Variants in CEP128 observed in about 807,000 individuals in gnomAD.
CEP128 encodes centrosomal protein 128, also known as centrosomal protein 128kDa.
Under a neutral mutation model 156.7 loss-of-function variants are expected in CEP128, and 132 were observed. The observed-to-expected ratio is 0.84, with a 90% confidence interval of 0.73 to 0.97. The LOEUF (loss-of-function observed/expected upper bound fraction) is 0.97. Among genes scored for constraint, CEP128 ranks in the 50% least tolerant of loss-of-function variants. The pLI is 0.00. For missense variants in CEP128, 1,252 were observed against 1,281.9 expected (o/e 0.98, Z 0.36); for synonymous variants, 469 against 448.9 (o/e 1.04, Z -0.57).
At chr14:80,818,099 G>A (rs113625227) in intron 13 of CEP128, among the ~76,000 whole-genome samples, 3,175 of 152,182 alleles carry the variant, frequency 0.021, 41 homozygotes, top group Middle Eastern at 0.065. Flanking sequence ...AGCCCACTGC[G>A]GCCTCAACCT....
chr14:80,731,945 C>A (rs1898291430), intron 19 of CEP128, among the ~76,000 whole-genome samples: 1 of 152,056 alleles, frequency 6.6e-6, no homozygotes, highest in Non-Finnish European at 1.5e-5. Context: ...ATTGAAAGAA[C>A]AGACCTAAGT....
chr14:80,675,425 T>C (rs1296054591), intron 19 of CEP128, among the ~76,000 whole-genome samples: 2 of 152,060 alleles, frequency 1.3e-5, no homozygotes, highest in Admixed American at 1.3e-4. Flanking sequence ...GAAACCCTGG[T>C]GATCCATAAC....
At chr14:80,679,794 T>C (rs936064205) in intron 19 of CEP128, among the ~76,000 whole-genome samples, 13 of 152,126 alleles carry the variant, frequency 8.5e-5, no homozygotes, top group Admixed American at 7.2e-4. Flanking sequence ...CCCTCCCCTT[T>C]TGAAGTCCTT....
intron 19 of CEP128, among the ~76,000 whole-genome samples, chr14:80,622,049 T>C (rs796988659): frequency 6.6e-6 from 1 of 152,196 alleles, no homozygotes; most frequent in African/African-American, 2.4e-5. Context: ...GTCAGAGAAA[T>C]GGAATTGCCT....
At chr14:80,892,689 C>G (rs955158722) in intron 8 of CEP128, among the ~76,000 whole-genome samples, 1 of 140,894 alleles carries the variant, frequency 7.1e-6, no homozygotes, top group Non-Finnish European at 1.6e-5. Flanking sequence ...AGAACTCATA[C>G]AACTCAATAG....
chr14:80,732,825 C>T (rs961530202), intron 19 of CEP128, among the ~76,000 whole-genome samples: 1 of 152,016 alleles, frequency 6.6e-6, no homozygotes, highest in Non-Finnish European at 1.5e-5. Flanking sequence ...ACAAGTCCAG[C>T]AGAAGACACA....
At chr14:80,637,769 A>G (rs1400317266) in intron 19 of CEP128, among the ~76,000 whole-genome samples, 2 of 152,192 alleles carry the variant, frequency 1.3e-5, no homozygotes, top group African/African-American at 4.8e-5. Flanking sequence ...ATCCTGGATT[A>G]TCCAGTTGGG....
In CEP128 at chr14:80,718,117, A is replaced by C. The variant is rs183820338; in HGVS notation, c.2806+24958T>G. On this transcript the variant is annotated intron_variant, in intron 19 of 24. Coordinates refer to ENST00000555265, the MANE Select transcript of CEP128 (RefSeq NM_152446.5). ...GATCCTCATTTTCATATAACTCAAC[A>C]AAGACAAAATGGTGAGACTTACTTT... 2.5e-3 allele frequency among the ~76,000 whole-genome samples: 383 copies of C among 152,318 alleles called. 4 individuals carry two copies. The highest frequency in any genetic ancestry group is 3.1e-4 in the Non-Finnish European group (21 of 68,032).
chr14:80,791,445 A>G (rs950622897), intron 14 of CEP128, among the ~76,000 whole-genome samples: 1 of 152,220 alleles, frequency 6.6e-6, no homozygotes, highest in Admixed American at 6.5e-5. Context: ...GACTGGAATT[A>G]CTGTATGATA....
At chr14:80,558,573 C>A (rs1339704395) in intron 21 of CEP128, among the ~76,000 whole-genome samples, 1 of 152,124 alleles carries the variant, frequency 6.6e-6, no homozygotes, top group Non-Finnish European at 1.5e-5. Flanking sequence ...CGGGCGTGAG[C>A]CACCGCGCCT....
intron 19 of CEP128, among the ~76,000 whole-genome samples, chr14:80,682,883 A>T (rs11848607): frequency 0.067 from 10,147 of 152,204 alleles, 1,116 homozygotes; most frequent in African/African-American, 0.23. Flanking sequence ...TTTTCCAGAC[A>T]ATCAAGTGCT....
At chr14:80,757,489 G>A (rs141382806) in intron 17 of CEP128, among the ~76,000 whole-genome samples, 173 of 152,276 alleles carry the variant, frequency 1.1e-3, no homozygotes, top group Non-Finnish European at 2.1e-3. Context: ...GTTCATCTGC[G>A]CTAGCTGCTT....
At chr14:80,576,710 A>G (rs1891376707) in intron 20 of CEP128, among the ~76,000 whole-genome samples, 1 of 152,002 alleles carries the variant, frequency 6.6e-6, no homozygotes, top group Non-Finnish European at 1.5e-5. Flanking sequence ...TCTCTCCCCA[A>G]AACATTTAAA....
intron 8 of CEP128, among the ~76,000 whole-genome samples, chr14:80,869,437 T>C (rs757893785): frequency 1.3e-5 from 2 of 151,918 alleles, no homozygotes; most frequent in African/African-American, 4.8e-5. Context: ...CCAAAACTTA[T>C]GGGATGCAAA....
intron 19 of CEP128, among the ~76,000 whole-genome samples, chr14:80,609,607 C>T (rs1330567960): frequency 2.0e-5 from 3 of 152,042 alleles, no homozygotes; most frequent in Non-Finnish European, 4.4e-5. Context: ...AGTGGAAAAC[C>T]AAAGTTAACT....
chr14:80,711,296 TG>T (rs1057143497), intron 19 of CEP128, among the ~76,000 whole-genome samples: 9 of 7,620 alleles, frequency 1.2e-3, no homozygotes, highest in African/African-American at 8.5e-3. Context: ...AAGACTATGT[TG>T]TGTGTGTGTG....
intron 12 of CEP128, among the ~76,000 whole-genome samples, chr14:80,832,307 C>A (rs1885847109): frequency 6.6e-6 from 1 of 151,816 alleles, no homozygotes; most frequent in African/African-American, 2.4e-5. Flanking sequence ...ATAAAGTACT[C>A]TATGGAGTCT....
intron 8 of CEP128, among the ~76,000 whole-genome samples, chr14:80,863,450 G>A (rs1288124557): frequency 2.0e-5 from 3 of 152,072 alleles, no homozygotes; most frequent in African/African-American, 7.2e-5. Context: ...GTTTAATCAG[G>A]ACTCTAAACG....
intron 19 of CEP128, among the ~76,000 whole-genome samples, chr14:80,634,825 A>C (rs1894114226): frequency 2.0e-5 from 3 of 151,850 alleles, no homozygotes; most frequent in Admixed American, 1.3e-4. Context: ...CCTTCTCTAC[A>C]TTTTCTCTCC....
Sources: gnomAD v4.1 joint callset for allele counts (sites outside exome capture counted in the v4.1 genomes callset) on GRCh38, gnomAD v4.1.1 for gene constraint, MANE v1.5 for transcripts, NCBI Gene and HGNC (gene_info 2026-07-23, HGNC 2026-07-21) for gene names.